The following CDKL4 variants were observed in gnomAD, a reference collection of about 807,000 sequenced individuals.
CDKL4 encodes the protein cyclin-dependent kinase-like 4.
CDKL4 carries 44 observed loss-of-function variants against 42.0 expected under a neutral mutation model. That is an observed-to-expected ratio of 1.05 (90% CI 0.82 to 1.35). CDKL4 has a LOEUF of 1.35. Ranked by LOEUF, CDKL4 falls within the 40% of genes most tolerant of loss-of-function variation. The pLI is 0.00. For synonymous variants in CDKL4, 120 were observed against 121.6 expected, an observed-to-expected ratio of 0.99 and a Z score of 0.09; for missense variants, 393 against 369.9, an observed-to-expected ratio of 1.06 and a Z score of -0.51.
intron 1 of CDKL4, among the ~76,000 whole-genome samples, chr2:39,233,303 C>G (rs1679179504): frequency 1.3e-5 from 2 of 151,986 alleles, no homozygotes; most frequent in South Asian, 4.1e-4. Context: ...TCAGAACACT[C>G]ACTACAAGGA....
chr2:39,191,262 G>C (rs1228745296), intron 5 of CDKL4, among the ~76,000 whole-genome samples: 1 of 152,190 alleles, frequency 6.6e-6, no homozygotes, highest in Non-Finnish European at 1.5e-5. Flanking sequence ...AGCCAGGCAT[G>C]GTGGCACATG....
At chr2:39,173,082 C>A (rs552885723), downstream of CDKL4, among the ~76,000 whole-genome samples, 98 of 152,214 alleles carry the variant, frequency 6.4e-4, no homozygotes, top group Non-Finnish European at 1.2e-3. Flanking sequence ...CCAAAAACTT[C>A]GTTGTTATTT....
At chr2:39,209,002 C>CA (rs1367067651) in intron 4 of CDKL4, among the ~76,000 whole-genome samples, 2 of 151,940 alleles carry the variant, frequency 1.3e-5, no homozygotes, top group African/African-American at 4.8e-5. Flanking sequence ...ACTCCTATCT[C>CA]AGAAGTCATT....
chr2:39,234,646 C>G (rs987955033), intron 1 of CDKL4, among the ~76,000 whole-genome samples: 2 of 152,078 alleles, frequency 1.3e-5, no homozygotes, highest in Non-Finnish European at 2.9e-5. Flanking sequence ...CCCAGAACAA[C>G]GAACTCCAAG....
chr2:39,200,005 A>G (rs1676753156), intron 5 of CDKL4, among the ~76,000 whole-genome samples: 1 of 152,180 alleles, frequency 6.6e-6, no homozygotes, highest in African/African-American at 2.4e-5. Context: ...AGACAAGAGA[A>G]AAAAATAAAG....
upstream of CDKL4, among the ~76,000 whole-genome samples, chr2:39,244,041 C>T (rs1679800696): frequency 6.6e-6 from 1 of 152,242 alleles, no homozygotes; most frequent in African/African-American, 2.4e-5. Flanking sequence ...CGGGGCACTG[C>T]GGCTTCCGGA....
At chr2:39,168,913 C>A in the CDKL4 span, among the ~76,000 whole-genome samples, 1 of 151,748 alleles carries the variant, frequency 6.6e-6, no homozygotes, top group Admixed American at 6.6e-5. Context: ...CATGCCACCA[C>A]GCCCAGCTAA....
downstream of CDKL4, among the ~76,000 whole-genome samples, chr2:39,172,819 T>A (rs543467417): frequency 4.1e-3 from 622 of 152,294 alleles, 8 homozygotes; most frequent in African/African-American, 0.014. Flanking sequence ...TGACCTCAGG[T>A]GATCCGCCTG....
chr2:39,238,156 A>G (rs1263138856), intron 1 of CDKL4, among the ~76,000 whole-genome samples: 1 of 152,170 alleles, frequency 6.6e-6, no homozygotes, highest in Non-Finnish European at 1.5e-5. Flanking sequence ...CCTGGCCAGG[A>G]GTGGTGGCAC....
chr2:39,180,347 C>G (rs1426561858), intron 8 of CDKL4, among the ~76,000 whole-genome samples: 1 of 152,234 alleles, frequency 6.6e-6, no homozygotes, highest in Non-Finnish European at 1.5e-5. Flanking sequence ...CATTCTCAAG[C>G]CCAGACAATT....
chr2:39,243,113 C>CAAAAA (rs57132937), intron 1 of CDKL4, among the ~76,000 whole-genome samples: 4 of 38,420 alleles, frequency 1.0e-4, no homozygotes, highest in Non-Finnish European at 1.6e-4. Context: ...GACCCTGTCT[C>CAAAAA]AAAAAAAAAA....
rs1029312817 is a variant in CDKL4 at position 39,175,880 on chromosome 2, A to C, written c.*115T>G. On this transcript the variant is annotated 3_prime_UTR_variant, in exon 10 of 10. Transcript: ENST00000451199. The stretch of plus-strand genomic sequence containing the variant: ...GCAATGATCAGAGCAAAACAATTCT[A>C]GAAGGCATCTTAATTTTCATATGGC... The C allele has an allele frequency of 2.1e-5, 8 of 378,378 alleles. No individual in the cohort carries two copies. The Admixed American group carries it at 2.9e-4, about 14-fold the overall frequency. 23.4% of individuals were successfully genotyped at this position (378,378 alleles called of 1,614,324 possible).
chr2:39,186,097 A>G (rs543736112), intron 7 of CDKL4, among the ~76,000 whole-genome samples: 1 of 152,330 alleles, frequency 6.6e-6, no homozygotes, highest in South Asian at 2.1e-4. Context: ...GGGAAACTTA[A>G]GACACTTAAG....
chr2:39,179,506 T>C (rs911462844), intron 8 of CDKL4, among the ~76,000 whole-genome samples, 185 bp from the exon 9 acceptor site: 1 of 152,240 alleles, frequency 6.6e-6, no homozygotes, highest in Non-Finnish European at 1.5e-5. Context: ...TCAAAGTCTT[T>C]TGAGGGCAGA....
chr2:39,231,191 G>A (rs975420705), intron 1 of CDKL4, among the ~76,000 whole-genome samples: 2 of 151,228 alleles, frequency 1.3e-5, no homozygotes, highest in African/African-American at 4.9e-5. Context: ...CAGCCTGGGA[G>A]ACAGAGCAAG....
intron 5 of CDKL4, among the ~76,000 whole-genome samples, chr2:39,202,278 AAAAC>A (rs1386040939): frequency 6.8e-6 from 1 of 147,760 alleles, no homozygotes; most frequent in African/African-American, 2.5e-5. Flanking sequence ...AAAACAAAAC[AAAAC>A]AATGAACTTT....
chr2:39,246,155 C>A (rs1679903870), upstream of CDKL4, among the ~76,000 whole-genome samples: 1 of 152,160 alleles, frequency 6.6e-6, no homozygotes, highest in African/African-American at 2.4e-5. Flanking sequence ...AAACAGGTGA[C>A]TCTCTTCTCC....
At chr2:39,182,897 T>C (rs1675519445) in intron 8 of CDKL4, among the ~76,000 whole-genome samples, 2 of 152,232 alleles carry the variant, frequency 1.3e-5, no homozygotes, top group Non-Finnish European at 1.5e-5. Flanking sequence ...CATTGCCAAA[T>C]ACGCCATCCA....
chr2:39,193,046 TG>T (rs1433016789), intron 5 of CDKL4, among the ~76,000 whole-genome samples: 2 of 151,138 alleles, frequency 1.3e-5, no homozygotes, highest in Non-Finnish European at 2.9e-5. Flanking sequence ...GAGGATAGCT[TG>T]AGCCTAGGAG....
Sources: allele counts gnomAD v4.1 joint callset (sites outside exome capture counted in the v4.1 genomes callset), GRCh38; gene constraint gnomAD v4.1.1; transcripts MANE v1.5; gene names NCBI Gene and HGNC (gene_info 2026-07-23, HGNC 2026-07-21).